NBAS: variants seen among roughly 807,000 people sequenced by gnomAD.
NBAS encodes the protein NAG/BC035112 fusion.
A neutral mutation model predicts 302.5 loss-of-function variants in NBAS; 219 were observed. That is an observed-to-expected ratio of 0.72 (90% CI 0.65 to 0.81). NBAS has a LOEUF of 0.81. Ranked by LOEUF, NBAS falls within the 30% of genes least tolerant of loss-of-function variation. NBAS has a pLI of 0.00. For synonymous variants in NBAS, 1,118 were observed against 1,021.6 expected (o/e 1.09, Z -1.80); for missense variants, 2,932 against 2,841.6 (o/e 1.03, Z -0.72).
chr2:15,323,450 G>C (rs907057240), intron 38 of NBAS, among the ~76,000 whole-genome samples: 1 of 152,206 alleles, frequency 6.6e-6, no homozygotes, highest in Non-Finnish European at 1.5e-5. Flanking sequence ...TTAAGTCTCA[G>C]TATGAAGAAT....
chr2:15,218,885 A>ATGCGGGGCCGCAC lies in NBAS; in HGVS notation c.6307_6319dup (p.Ile2107SerfsTer19). ...TTGCCCCAAAATCTGCAGCACGTGAATGCGGGGCCGCACCGGCCAGGCGTC... is the reference window on the plus strand; with the variant it reads ...TTGCCCCAAAATCTGCAGCACGTGAATGCGGGGCCGCACTGCGGGGCCGCACCGGCCAGGCGTC... On this transcript the variant is annotated frameshift_variant, in exon 48 of 52. Transcript: ENST00000281513. LOFTEE classifies it high-confidence loss of function. 1.2e-6 allele frequency: 2 copies of ATGCGGGGCCGCAC among 1,614,272 alleles called. No homozygotes were observed. The highest frequency in any genetic ancestry group is 1.7e-6 in the Non-Finnish European group (2 of 1,180,052).
chr2:15,410,379 A>G (rs1406162922), intron 25 of NBAS, among the ~76,000 whole-genome samples: 1 of 152,216 alleles, frequency 6.6e-6, no homozygotes, highest in Non-Finnish European at 1.5e-5. Flanking sequence ...AACTACTTTA[A>G]GGCTTGCTGC....
At chr2:14,869,232 T>C in the NBAS span, among the ~76,000 whole-genome samples, 1 of 152,188 alleles carries the variant, frequency 6.6e-6, no homozygotes, top group Admixed American at 6.5e-5. Context: ...CCTAGAATGG[T>C]GTTCATTCAT....
At chr2:14,924,413 TCCACAGAGCCA>T in the NBAS span, among the ~76,000 whole-genome samples, 1 of 152,238 alleles carries the variant, frequency 6.6e-6, no homozygotes, top group East Asian at 1.9e-4. Flanking sequence ...CACAGCTGAA[TCCACAGAGCCA>T]CCACAGGCCT....
chr2:14,875,580 C>T, the NBAS span, among the ~76,000 whole-genome samples: 1 of 152,100 alleles, frequency 6.6e-6, no homozygotes, highest in Non-Finnish European at 1.5e-5. Flanking sequence ...CACACCACTG[C>T]ACTCCAGTCT....
chr2:14,973,729 T>C, the NBAS span, among the ~76,000 whole-genome samples: 4 of 152,258 alleles, frequency 2.6e-5, no homozygotes, highest in Admixed American at 1.3e-4. Flanking sequence ...TGTGTGCCAT[T>C]ATAATCCTGT....
At chr2:14,811,684 G>A in the NBAS span, among the ~76,000 whole-genome samples, 1 of 152,094 alleles carries the variant, frequency 6.6e-6, no homozygotes, top group Non-Finnish European at 1.5e-5. Flanking sequence ...ATGATGCAGA[G>A]GGGCAAAGAC....
At chr2:15,260,435 CTGGTT>C (rs1668796325) in intron 44 of NBAS, among the ~76,000 whole-genome samples, 1 of 152,076 alleles carries the variant, frequency 6.6e-6, no homozygotes, top group African/African-American at 2.4e-5. Context: ...TGAGCATTTC[CTGGTT>C]AATTCTAATA....
At chr2:14,997,279 T>C in the NBAS span, among the ~76,000 whole-genome samples, 1 of 151,916 alleles carries the variant, frequency 6.6e-6, no homozygotes, top group Non-Finnish European at 1.5e-5. Context: ...TGAGTTTACT[T>C]ATGTAAAAAA....
chr2:14,987,510 G>T, the NBAS span, among the ~76,000 whole-genome samples: 1 of 151,550 alleles, frequency 6.6e-6, no homozygotes, highest in African/African-American at 2.4e-5. Flanking sequence ...ACAGACTATA[G>T]GGTTGGAAGG....
chr2:14,783,548 C>G, the NBAS span, among the ~76,000 whole-genome samples: 8 of 146,378 alleles, frequency 5.5e-5, no homozygotes, highest in Middle Eastern at 7.5e-3. Context: ...TCAATTCCCA[C>G]CTATGAGTGA....
chr2:14,828,021 A>G, the NBAS span, among the ~76,000 whole-genome samples: 2 of 152,212 alleles, frequency 1.3e-5, no homozygotes, highest in Non-Finnish European at 2.9e-5. Context: ...GAAAAATGAA[A>G]AACACAAAAA....
chr2:14,960,602 G>C, the NBAS span, among the ~76,000 whole-genome samples: 1 of 152,154 alleles, frequency 6.6e-6, no homozygotes, highest in East Asian at 1.9e-4. Flanking sequence ...TCTGGCAAGA[G>C]AGCCCATGCC....
chr2:15,045,768 A>T, the NBAS span, among the ~76,000 whole-genome samples: 1 of 152,192 alleles, frequency 6.6e-6, no homozygotes, highest in Admixed American at 6.5e-5. Context: ...TCTACGCCAA[A>T]TTTTTTGAGG....
rs1408660111 is a variant in NBAS at position 15,274,443 on chromosome 2, G to T, written c.5724+1041C>A. On this transcript the variant is annotated intron_variant, in intron 44 of 51. Transcript: ENST00000281513. The stretch of plus-strand genomic sequence containing the variant: ...CAACAGCAAAGATGGCAAGAGAGAA[G>T]ATTAAACAGGAGCTCCAAAGGCAAC... Among the ~76,000 whole-genome samples the T allele has an allele frequency of 2.0e-5, 3 of 152,286 alleles. 1 individual carries two copies. The highest frequency in any genetic ancestry group is 4.2e-4 in the South Asian group (2 of 4,816).
chr2:14,930,384 G>A, the NBAS span, among the ~76,000 whole-genome samples: 1 of 152,192 alleles, frequency 6.6e-6, no homozygotes, highest in African/African-American at 2.4e-5. Flanking sequence ...GGAATAGGAT[G>A]AGCAATGTCT....
At chr2:15,282,574 C>T (rs1394355679) in intron 42 of NBAS, among the ~76,000 whole-genome samples, 1 of 152,094 alleles carries the variant, frequency 6.6e-6, no homozygotes, top group Non-Finnish European at 1.5e-5. Context: ...CCCCATGTGT[C>T]TAAAGGAAAC....
chr2:14,857,672 C>A, the NBAS span, among the ~76,000 whole-genome samples: 1 of 152,244 alleles, frequency 6.6e-6, no homozygotes. Context: ...AAAATCAAAT[C>A]AAAATGGATT....
the NBAS span, among the ~76,000 whole-genome samples, chr2:14,779,087 A>G: frequency 6.6e-6 from 1 of 152,202 alleles, no homozygotes; most frequent in Non-Finnish European, 1.5e-5. Flanking sequence ...TCTCTTGCAG[A>G]GTTCAGGTAA....
Sources: gnomAD v4.1 joint callset for allele counts (sites outside exome capture counted in the v4.1 genomes callset) on GRCh38, gnomAD v4.1.1 for gene constraint, MANE v1.5 for transcripts, NCBI Gene and HGNC (gene_info 2026-07-23, HGNC 2026-07-21) for gene names.